The following TTC9C variants were observed in gnomAD, a reference collection of about 807,000 sequenced individuals.
The protein encoded by TTC9C is tetratricopeptide repeat protein 9C.
Under a neutral mutation model 22.5 loss-of-function variants are expected in TTC9C, and 15 were observed. That is an observed-to-expected ratio of 0.67 (90% CI 0.45 to 1.03). TTC9C has a LOEUF of 1.03. Among genes scored for constraint, TTC9C ranks in the 50% least tolerant of loss-of-function variants. The pLI is 0.00. For missense variants in TTC9C, 244 were observed against 214.6 expected (o/e 1.14, Z -0.86); for synonymous variants, 92 against 86.8 (o/e 1.06, Z -0.33).
rs756408786 is a variant in TTC9C at position 62,729,035 on chromosome 11, C to G, written c.187C>G (p.Gln63Glu). 6.2e-7 allele frequency: 1 copy of G among 1,613,966 alleles called. No homozygotes were observed. The highest frequency in any genetic ancestry group is 8.5e-7 in the Non-Finnish European group (1 of 1,180,042). ...TCAGGGCCCGGCCCTCACGCCTGAA[C>G]AAGAAAACATATTGCATACCACCCA... ...GPQGPALTPE[Q>E]ENILHTTQTD... Residue 63 changes from glutamine to glutamate, a missense_variant, in exon 1 of 3, where the codon CAA (glutamine) becomes GAA (glutamate). Coordinates refer to ENST00000316461, the MANE Select transcript of TTC9C (RefSeq NM_173810.4).
chr11:62,733,139 C>T (rs1565171415), intron 1 of TTC9C: 3 of 1,287,878 alleles, frequency 2.3e-6, no homozygotes, highest in Admixed American at 4.6e-5. Context: ...GGAGTGTTTC[C>T]CTTCTTAATC....
At position 62,728,985 on chromosome 11, in the gene TTC9C, C is replaced by T. The variant is rs1392964136; in HGVS notation, c.137C>T (p.Pro46Leu). The T allele has an allele frequency of 8.7e-6, 14 of 1,613,956 alleles. No individual in the cohort carries two copies. The highest frequency in any genetic ancestry group is 4.0e-5 in the African/African-American group (3 of 74,878). The change falls in exon 1 of 3, where the codon CCC (proline) becomes CTC (leucine). Residue 46 changes from proline to leucine, a missense_variant. Pro to Leu is a moderately conservative substitution (Grantham distance 98). Transcript: ENST00000316461. ...LQLRGLDPSL[P>L]SPLPNLGPQG... ...CTGCGGGGTCTGGATCCGAGTCTGC[C>T]CTCTCCGTTACCTAATCTCGGACCT...
chr11:62,735,614 G>T (rs199898897), intron 2 of TTC9C, 50 bp downstream of exon 2: 28 of 1,538,542 alleles, frequency 1.8e-5, no homozygotes, highest in Non-Finnish European at 2.4e-5. Context: ...TCTTGCTGGG[G>T]TGGATCTGTG....
At chr11:62,737,904 G>T (rs1025666895) in intron 2 of TTC9C, among the ~76,000 whole-genome samples, 1 of 152,120 alleles carries the variant, frequency 6.6e-6, no homozygotes, top group Non-Finnish European at 1.5e-5. Flanking sequence ...GGTGGTGCAT[G>T]CCTGTAATCT....
At chr11:62,729,192 C>A in intron 1 of TTC9C, 106 bp downstream of exon 1, 2 of 932,280 alleles carry the variant, frequency 2.1e-6, no homozygotes, top group Non-Finnish European at 1.6e-6. Context: ...TTACTGTCAT[C>A]CATTTATTCT....
chr11:62,737,219 C>CA (rs577375388), intron 2 of TTC9C, among the ~76,000 whole-genome samples: 1 of 151,648 alleles, frequency 6.6e-6, no homozygotes, highest in East Asian at 1.9e-4. Flanking sequence ...CAAAACAAAA[C>CA]AAAAAAACAG....
At chr11:62,733,463 C>A (rs979146402) in intron 1 of TTC9C, among the ~76,000 whole-genome samples, 2 of 152,140 alleles carry the variant, frequency 1.3e-5, no homozygotes, top group African/African-American at 4.8e-5. Flanking sequence ...ACAGCGCTTG[C>A]CATTTCCTGA....
intron 1 of TTC9C, among the ~76,000 whole-genome samples, chr11:62,730,160 C>T (rs1224196311): frequency 6.6e-6 from 1 of 152,036 alleles, no homozygotes; most frequent in East Asian, 1.9e-4. Context: ...ACTGCAACCT[C>T]CTCCTCCCGG....
intron 2 of TTC9C, 125 bp downstream of exon 2, chr11:62,735,689 G>T (rs2083903652): frequency 1.4e-6 from 2 of 1,407,912 alleles, no homozygotes; most frequent in Non-Finnish European, 1.9e-6. Context: ...TCACATGGTT[G>T]AGAATTCGAA....
intron 1 of TTC9C, among the ~76,000 whole-genome samples, chr11:62,732,236 C>T (rs1191131159): frequency 1.3e-5 from 2 of 151,974 alleles, no homozygotes; most frequent in Non-Finnish European, 2.9e-5. Flanking sequence ...ACCTCATGAT[C>T]TGCCTGCCTC....
Position 62,735,385 on chromosome 11 carries a change from G to C in TTC9C, c.242G>C (p.Cys81Ser). ...CTCTTTTCATTTGGCCCATTAGCTT[G>C]TCTCCTTCAGATGGAGCCCGTGAAC... is the stretch of plus-strand genomic sequence containing the variant. Reference protein sequence around the residue: ...QTDCYNNLAACLLQMEPVNYE... With the variant: ...QTDCYNNLAASLLQMEPVNYE... Residue 81 changes from cysteine (C) to serine (S), a missense_variant, in exon 2 of 3, where the codon TGT (cysteine) becomes TCT (serine). Physicochemically the swap from Cys to Ser is moderately radical, Grantham distance 112. Transcript: ENST00000316461. 6.2e-7 allele frequency: 1 copy of C among 1,613,858 alleles called. No individual in the cohort carries two copies. The highest frequency in any genetic ancestry group is 8.5e-7 in the Non-Finnish European group (1 of 1,179,862).
At chr11:62,733,297 TC>T in intron 1 of TTC9C, 1 of 558,586 alleles carries the variant, frequency 1.8e-6, no homozygotes, top group Non-Finnish European at 2.6e-6. Flanking sequence ...AGACAACACT[TC>T]ATTCAAATTT....
At chr11:62,731,762 G>A (rs184531951) in intron 1 of TTC9C, among the ~76,000 whole-genome samples, 9 of 149,650 alleles carry the variant, frequency 6.0e-5, no homozygotes, top group African/African-American at 2.0e-4. Flanking sequence ...TGATCTCACC[G>A]CAAGCTCTGC....
intron 1 of TTC9C, among the ~76,000 whole-genome samples, chr11:62,732,263 G>A (rs559415116): frequency 1.3e-5 from 2 of 152,144 alleles, no homozygotes; most frequent in East Asian, 3.9e-4. Flanking sequence ...CCAAAGTGCT[G>A]GCATTACAGG....
chr11:62,728,335 C>T (rs1430775270), upstream of TTC9C: 3 of 360,480 alleles, frequency 8.3e-6, no homozygotes, highest in East Asian at 2.2e-4. Flanking sequence ...CCTCGGCTTC[C>T]CAGTTTATTT....
rs1258576433 is a variant in TTC9C, at chr11:62,728,986, C to T, written c.138C>T (p.Pro46=). 15 of 1,613,974 alleles carry T rather than the reference C, an allele frequency of 9.3e-6. No individual in the cohort carries two copies. Among genetic ancestry groups the T allele is most frequent in the Non-Finnish European group, 1.0e-5 (12 of 1,180,024 alleles). The change falls in exon 1 of 3, where the codon CCC becomes CCT. Residue 46 remains proline (P), a synonymous_variant. Coordinates refer to ENST00000316461, the MANE Select transcript of TTC9C (RefSeq NM_173810.4). ...TGCGGGGTCTGGATCCGAGTCTGCC[C>T]TCTCCGTTACCTAATCTCGGACCTC... is the stretch of plus-strand genomic sequence containing the variant. ...LQLRGLDPSL[P]SPLPNLGPQG...
intron 2 of TTC9C, among the ~76,000 whole-genome samples, chr11:62,736,550 C>T (rs970108428): frequency 2.6e-5 from 4 of 151,676 alleles, no homozygotes; most frequent in South Asian, 2.1e-4. Flanking sequence ...AAAAATTAGC[C>T]GGACGTGGTG....
chr11:62,728,332 T>C (rs765935130), upstream of TTC9C: 2 of 360,722 alleles, frequency 5.5e-6, no homozygotes, highest in South Asian at 4.2e-5. Context: ...TCACCTCGGC[T>C]TCCCAGTTTA....
intron 1 of TTC9C, among the ~76,000 whole-genome samples, chr11:62,734,753 G>C (rs2083891266): frequency 6.6e-6 from 1 of 152,072 alleles, no homozygotes; most frequent in South Asian, 2.1e-4. Context: ...AAAGTGCTAG[G>C]ATTACAGCAT....
Sources: allele counts gnomAD v4.1 joint callset (sites outside exome capture counted in the v4.1 genomes callset), GRCh38; gene constraint gnomAD v4.1.1; transcripts MANE v1.5; gene names NCBI Gene and HGNC (gene_info 2026-07-23, HGNC 2026-07-21).